ZNF804A: variants seen among roughly 807,000 people sequenced by gnomAD.
ZNF804A encodes zinc finger protein 804A.
Under a neutral mutation model 16.5 loss-of-function variants are expected in ZNF804A, and 2 were observed. The observed-to-expected ratio is 0.12, with a 90% CI of 0.05 to 0.38. The LOEUF is 0.38. ZNF804A is among the 10% of genes least tolerant of loss of function. The pLI, the probability that ZNF804A is intolerant of heterozygous loss-of-function variation, is 0.99. For synonymous variants in ZNF804A, 534 were observed against 489.6 expected, an observed-to-expected ratio of 1.09 and a Z score of -1.20; for missense variants, 1,473 against 1,390.7, an observed-to-expected ratio of 1.06 and a Z score of -0.94.
intron 1 of ZNF804A, among the ~76,000 whole-genome samples, chr2:184,821,128 A>T (rs1271242343): frequency 6.6e-6 from 1 of 152,184 alleles, no homozygotes; most frequent in Non-Finnish European, 1.5e-5. Context: ...AAGCAAAAGA[A>T]CAAAGCTGGA....
chr2:184,649,676 G>C (rs1227113629), intron 1 of ZNF804A, among the ~76,000 whole-genome samples: 8 of 151,832 alleles, frequency 5.3e-5, no homozygotes, highest in Non-Finnish European at 1.2e-4. Flanking sequence ...CAGAGGAAAT[G>C]GATAAATTCT....
At chr2:184,718,023 C>T (rs549589923) in intron 1 of ZNF804A, among the ~76,000 whole-genome samples, 18 of 152,070 alleles carry the variant, frequency 1.2e-4, no homozygotes, top group Non-Finnish European at 1.6e-4. Flanking sequence ...CATTTTCATG[C>T]TGCTGATAAA....
chr2:184,669,716 G>A lies in ZNF804A; in HGVS notation c.111+70646G>A, dbSNP rs569139560. 2.0e-5 allele frequency among the ~76,000 whole-genome samples: 3 copies of A among 151,792 alleles called. No individual in the cohort carries two copies. The East Asian group carries it at 5.8e-4, about 29-fold the overall frequency. On this transcript the variant is annotated intron_variant, in intron 1 of 3. Transcript: ENST00000302277. ...AAATATCATTAAACCATATGTCAGT[G>A]ATCCTCCTGGATGACTTGGTTGCCA...
chr2:184,798,006 A>ATGTG (rs58199746), intron 1 of ZNF804A, among the ~76,000 whole-genome samples: 10,682 of 133,204 alleles, frequency 0.08, 451 homozygotes, highest in Admixed American at 0.14. Context: ...TGGCTGATAT[A>ATGTG]TGTGTGTGTG....
chr2:184,762,682 C>T (rs1694057485), intron 1 of ZNF804A, among the ~76,000 whole-genome samples: 1 of 151,878 alleles, frequency 6.6e-6, no homozygotes, highest in Non-Finnish European at 1.5e-5. Flanking sequence ...GACTATTTAT[C>T]TGAGTTTTTA....
At chr2:184,667,400 C>A (rs1692270480) in intron 1 of ZNF804A, among the ~76,000 whole-genome samples, 1 of 151,670 alleles carries the variant, frequency 6.6e-6, no homozygotes, top group Non-Finnish European at 1.5e-5. Flanking sequence ...TTCATTTGAC[C>A]TAGTTAGCCA....
chr2:184,885,476 G>A (rs1024658966), intron 2 of ZNF804A, among the ~76,000 whole-genome samples: 20 of 152,062 alleles, frequency 1.3e-4, no homozygotes, highest in Non-Finnish European at 2.2e-4. Flanking sequence ...AAAAAATGTG[G>A]TACATTTACA....
intron 1 of ZNF804A, among the ~76,000 whole-genome samples, chr2:184,821,440 A>G (rs911945855): frequency 6.6e-6 from 1 of 152,148 alleles, no homozygotes; most frequent in Non-Finnish European, 1.5e-5. Flanking sequence ...TTTAAATGTA[A>G]AACTCCAAAC....
At chr2:184,934,641 A>G (rs1220675272) in intron 3 of ZNF804A, among the ~76,000 whole-genome samples, 1 of 152,130 alleles carries the variant, frequency 6.6e-6, no homozygotes, top group Admixed American at 6.5e-5. Context: ...ACAAATTTTA[A>G]CTATAGAGAA....
At chr2:184,819,109 A>G (rs868368601) in intron 1 of ZNF804A, among the ~76,000 whole-genome samples, 2 of 152,112 alleles carry the variant, frequency 1.3e-5, no homozygotes, top group Non-Finnish European at 2.9e-5. Context: ...GTGATAGAAT[A>G]CACATTCTTC....
chr2:184,896,079 T>C (rs1041124292), intron 2 of ZNF804A, among the ~76,000 whole-genome samples: 3 of 152,270 alleles, frequency 2.0e-5, no homozygotes, highest in Non-Finnish European at 4.4e-5. Context: ...TGCCACGTGT[T>C]TTTTTTCTGA....
intron 1 of ZNF804A, among the ~76,000 whole-genome samples, chr2:184,842,627 CT>C (rs1466529085): frequency 6.6e-6 from 1 of 151,324 alleles, no homozygotes; most frequent in Non-Finnish European, 1.5e-5. Flanking sequence ...TTTGATCTGT[CT>C]TATTCTATGT....
chr2:184,883,915 C>G (rs372030745), intron 2 of ZNF804A, among the ~76,000 whole-genome samples: 6 of 152,048 alleles, frequency 3.9e-5, no homozygotes, highest in South Asian at 4.1e-4. Context: ...ACTCACTCAC[C>G]ACTCCTATTT....
intron 1 of ZNF804A, among the ~76,000 whole-genome samples, chr2:184,636,943 G>A (rs1158425088): frequency 6.6e-6 from 1 of 151,892 alleles, no homozygotes; most frequent in Non-Finnish European, 1.5e-5. Context: ...TGATATTTCA[G>A]CTCAGAATAA....
intron 1 of ZNF804A, among the ~76,000 whole-genome samples, chr2:184,676,880 C>T (rs896559453): frequency 6.6e-6 from 1 of 151,566 alleles, no homozygotes; most frequent in Non-Finnish European, 1.5e-5. Flanking sequence ...TAACTGTCTA[C>T]TTCTACTAAA....
At chr2:184,630,661 T>C (rs1246506397) in intron 1 of ZNF804A, among the ~76,000 whole-genome samples, 1 of 152,146 alleles carries the variant, frequency 6.6e-6, no homozygotes, top group Non-Finnish European at 1.5e-5. Flanking sequence ...TAATAGAAGC[T>C]ATGCAACTAA....
At chr2:184,771,936 A>G (rs1694222070) in intron 1 of ZNF804A, among the ~76,000 whole-genome samples, 1 of 152,026 alleles carries the variant, frequency 6.6e-6, no homozygotes, top group Non-Finnish European at 1.5e-5. Context: ...GTCATATTCT[A>G]CTGGGTATAA....
chr2:184,877,411 CAT>C (rs1373559044), intron 2 of ZNF804A, among the ~76,000 whole-genome samples: 3 of 152,036 alleles, frequency 2.0e-5, no homozygotes, highest in Non-Finnish European at 4.4e-5. Flanking sequence ...ATATTACCAT[CAT>C]GTGGAGATTT....
intron 1 of ZNF804A, among the ~76,000 whole-genome samples, chr2:184,661,268 G>A (rs1692171763): frequency 6.6e-6 from 1 of 151,994 alleles, no homozygotes; most frequent in African/African-American, 2.4e-5. Flanking sequence ...GAGTGTCACA[G>A]CTCTTTTTCT....
Sources: gnomAD v4.1 joint callset for allele counts (sites outside exome capture counted in the v4.1 genomes callset) on GRCh38, gnomAD v4.1.1 for gene constraint, MANE v1.5 for transcripts, NCBI Gene and HGNC (gene_info 2026-07-23, HGNC 2026-07-21) for gene names.